ATXN1: variants seen among roughly 807,000 people sequenced by gnomAD.
ATXN1 encodes ataxin 1.
In ATXN1, 8 loss-of-function variants were observed where a neutral mutation model predicts 56.4. That is an observed-to-expected ratio of 0.14 (90% confidence interval 0.08 to 0.26). The LOEUF (loss-of-function observed/expected upper bound fraction) is 0.26, where lower values mean the gene tolerates loss of function less well. ATXN1 is among the 10% of genes least tolerant of loss of function. The probability of loss-of-function intolerance (pLI) is 1.00; values close to 1 mark genes in which losing one functional copy is unlikely to be tolerated. For synonymous variants in ATXN1, 514 were observed against 494.6 expected, an observed-to-expected ratio of 1.04 and a Z score of -0.52; for missense variants, 987 against 1,106.5, an observed-to-expected ratio of 0.89 and a Z score of 1.53.
intron 6 of ATXN1, among the ~76,000 whole-genome samples, chr6:16,462,331 G>T (rs188328820): frequency 4.2e-4 from 64 of 152,278 alleles, no homozygotes; most frequent in Admixed American, 3.9e-3. Flanking sequence ...AGCCAGACCA[G>T]CCTCGATAAA....
intron 6 of ATXN1, among the ~76,000 whole-genome samples, chr6:16,407,090 A>G (rs1758701443): frequency 6.6e-6 from 1 of 152,238 alleles, no homozygotes; most frequent in Non-Finnish European, 1.5e-5. Flanking sequence ...AGATTTGTAA[A>G]AGTTCACAGC....
intron 4 of ATXN1, among the ~76,000 whole-genome samples, chr6:16,526,064 T>C (rs2744414): frequency 0.012 from 1,611 of 133,296 alleles, 36 homozygotes; most frequent in African/African-American, 0.028. Context: ...TATATATATA[T>C]ACATACATAC....
intron 5 of ATXN1, among the ~76,000 whole-genome samples, chr6:16,518,499 G>T (rs967521591): frequency 1.7e-4 from 26 of 152,174 alleles, no homozygotes; most frequent in Non-Finnish European, 3.8e-4. Flanking sequence ...GAACAGGCAG[G>T]TGTCAAGTTA....
At position 16,522,221 on chromosome 6, in the gene ATXN1, G is replaced by C. The variant is rs530239104; in HGVS notation, c.-299+406C>G. Among the ~76,000 whole-genome samples the C allele has an allele frequency of 9.9e-5, 15 of 152,230 alleles. No individual in the cohort carries two copies. In the South Asian group the frequency reaches 1.9e-3, roughly 19 times the overall value. ...CAGACAAGCTCTCAGGTCTCATCTG[G>C]TGCTCATATCCTGTTATTCTTGGTC... is the stretch of plus-strand genomic sequence containing the variant. On this transcript the variant is annotated intron_variant, in intron 5 of 7. Coordinates refer to ENST00000436367, the MANE Select transcript of ATXN1 (RefSeq NM_001128164.2).
intron 5 of ATXN1, among the ~76,000 whole-genome samples, chr6:16,496,489 G>A (rs897554124): frequency 6.6e-6 from 1 of 152,184 alleles, no homozygotes; most frequent in Non-Finnish European, 1.5e-5. Context: ...GGAAACACAG[G>A]AGAGGGGTGC....
intron 3 of ATXN1, among the ~76,000 whole-genome samples, chr6:16,599,484 G>A (rs890679363): frequency 6.6e-5 from 10 of 151,486 alleles, no homozygotes; most frequent in East Asian, 1.9e-4. Context: ...AGGCTGAGGC[G>A]AGCGGATCAT....
intron 5 of ATXN1, among the ~76,000 whole-genome samples, chr6:16,493,381 C>G (rs763091793): frequency 6.6e-6 from 1 of 152,002 alleles, no homozygotes; most frequent in Non-Finnish European, 1.5e-5. Flanking sequence ...CTCCCAAGAC[C>G]AGCTCAAATC....
chr6:16,321,279 T>C (rs1760645927), intron 7 of ATXN1, among the ~76,000 whole-genome samples: 1 of 152,214 alleles, frequency 6.6e-6, no homozygotes, highest in Non-Finnish European at 1.5e-5. Context: ...CACAGACTTA[T>C]GGCCTCAAAC....
At chr6:16,342,919 T>C (rs1761287436) in intron 6 of ATXN1, among the ~76,000 whole-genome samples, 1 of 152,164 alleles carries the variant, frequency 6.6e-6, no homozygotes, top group Non-Finnish European at 1.5e-5. Context: ...TTTGGTATGA[T>C]GGAAACATTC....
chr6:16,421,524 A>AT (rs1192682307), intron 6 of ATXN1, among the ~76,000 whole-genome samples: 1 of 151,942 alleles, frequency 6.6e-6, no homozygotes, highest in East Asian at 1.9e-4. Context: ...CTGAATGGGC[A>AT]TTTTTCAAAA....
At chr6:16,452,855 A>T (rs996858976) in intron 6 of ATXN1, among the ~76,000 whole-genome samples, 1 of 152,240 alleles carries the variant, frequency 6.6e-6, no homozygotes, top group African/African-American at 2.4e-5. Context: ...TCTATTACTG[A>T]TTTAAAAGTT....
chr6:16,417,100 T>C (rs930053886), intron 6 of ATXN1, among the ~76,000 whole-genome samples: 1 of 152,202 alleles, frequency 6.6e-6, no homozygotes, highest in Non-Finnish European at 1.5e-5. Context: ...GGTGTAATCA[T>C]AGATCACTGC....
chr6:16,497,061 A>T (rs933104789), intron 5 of ATXN1, among the ~76,000 whole-genome samples: 1 of 152,268 alleles, frequency 6.6e-6, no homozygotes, highest in East Asian at 1.9e-4. Context: ...TACCTTTTTC[A>T]GGCAAAATAA....
chr6:16,563,892 G>A (rs1762166133), intron 4 of ATXN1, among the ~76,000 whole-genome samples: 1 of 152,192 alleles, frequency 6.6e-6, no homozygotes, highest in South Asian at 2.1e-4. Context: ...TTAGGACGGA[G>A]CATCTGATTT....
chr6:16,409,470 T>C (rs1009906074), intron 6 of ATXN1, among the ~76,000 whole-genome samples: 4 of 151,986 alleles, frequency 2.6e-5, no homozygotes, highest in African/African-American at 9.7e-5. Context: ...CTGGCCAACA[T>C]AGTGAAACAC....
chr6:16,446,956 T>C (rs555740540), intron 6 of ATXN1, among the ~76,000 whole-genome samples: 1 of 152,328 alleles, frequency 6.6e-6, no homozygotes, highest in East Asian at 1.9e-4. Flanking sequence ...AAAAAAGTGA[T>C]TTGAACTCAG....
At chr6:16,734,690 T>C (rs1039817635) in intron 2 of ATXN1, among the ~76,000 whole-genome samples, 5 of 152,174 alleles carry the variant, frequency 3.3e-5, no homozygotes, top group Non-Finnish European at 5.9e-5. Context: ...GACAGGATTT[T>C]ACCATGTTGG....
intron 6 of ATXN1, among the ~76,000 whole-genome samples, chr6:16,429,221 C>A (rs756474647): frequency 1.4e-4 from 22 of 151,790 alleles, no homozygotes; most frequent in Non-Finnish European, 2.5e-4. Flanking sequence ...ATTCTCTGCC[C>A]TACTATTTCT....
chr6:16,328,120 C>T lies in ATXN1; in HGVS notation c.191G>A (p.Gly64Glu). 6.3e-7 allele frequency: 1 copy of T among 1,589,036 alleles called. No homozygotes were observed. Among genetic ancestry groups the T allele is most frequent in the Non-Finnish European group, 8.6e-7 (1 of 1,163,540 alleles). ...GHGGGRHGPAGTSVELGLQQG... is the reference protein window; with the variant it reads ...GHGGGRHGPAETSVELGLQQG... ...TTGTAAACCAAGCTCCACCGAGGTC[C>T]CTGCCGGCCCATGCCTCCCGCCCCC... The change falls in exon 7 of 8, where the codon GGG (glycine) becomes GAG (glutamate). Residue 64 changes from glycine to glutamate, a missense_variant. By Grantham distance (98) the Gly-to-Glu change is moderately conservative. This residue lies in a region of ATXN1 where 723 missense variants were observed against 791.7 expected (regional missense o/e 0.91). Coordinates refer to ENST00000436367, the MANE Select transcript of ATXN1 (RefSeq NM_001128164.2). This position sits in a 1 kb window ranked among gnomAD's most constrained non-coding sequence, Gnocchi z 6.2.
Sources: gnomAD v4.1 joint callset for allele counts (sites outside exome capture counted in the v4.1 genomes callset) on GRCh38, gnomAD v4.1.1 for gene constraint, gnomAD v4.1.1 regional missense constraint, Gnocchi (gnomAD v3.1) non-coding constraint, MANE v1.5 for transcripts, NCBI Gene and HGNC (gene_info 2026-07-23, HGNC 2026-07-21) for gene names.